Variants in TMEM132C observed in about 807,000 individuals in gnomAD.
The protein encoded by TMEM132C is protein phosphatase 1, regulatory subunit 152.
Under a neutral mutation model 61.4 loss-of-function variants are expected in TMEM132C, and 29 were observed. The ratio of observed to expected loss-of-function variants is 0.47; its 90% CI spans 0.35 to 0.64. The LOEUF is 0.64. TMEM132C is among the 30% of genes least tolerant of loss of function. The probability of loss-of-function intolerance (pLI) is 0.00; values close to 1 mark genes in which losing one functional copy is unlikely to be tolerated. For synonymous variants in TMEM132C, 656 were observed against 633.1 expected (o/e 1.04, Z -0.54); for missense variants, 1,408 against 1,476.9 (o/e 0.95, Z 0.76).
chr12:128,650,203 A>G (rs1954254210), intron 4 of TMEM132C, among the ~76,000 whole-genome samples: 2 of 152,174 alleles, frequency 1.3e-5, no homozygotes, highest in Non-Finnish European at 2.9e-5. Flanking sequence ...TTTTAATGCC[A>G]TGTGACTAAT....
At chr12:128,319,593 C>T (rs985679043) in intron 1 of TMEM132C, among the ~76,000 whole-genome samples, 6 of 151,902 alleles carry the variant, frequency 3.9e-5, no homozygotes, top group East Asian at 1.9e-4. Context: ...TTTGGGAGGC[C>T]GAGATGGGCG....
At chr12:128,535,239 G>A (rs1249130712) in intron 2 of TMEM132C, among the ~76,000 whole-genome samples, 1 of 152,138 alleles carries the variant, frequency 6.6e-6, no homozygotes, top group Non-Finnish European at 1.5e-5. Context: ...TAGACAAATG[G>A]GATCTAATTA....
intron 1 of TMEM132C, among the ~76,000 whole-genome samples, chr12:128,300,035 C>A (rs529513368): frequency 1.3e-5 from 2 of 152,176 alleles, no homozygotes; most frequent in African/African-American, 4.8e-5. Context: ...ATAAGAAATA[C>A]AAAACTCAAG....
In TMEM132C at chr12:128,326,391, A is replaced by G. The variant is rs964497184; in HGVS notation, c.85+58904A>G. Among the ~76,000 whole-genome samples, 3 of 152,164 alleles carry G rather than the reference A, an allele frequency of 2.0e-5. No individual in the cohort carries two copies. Among genetic ancestry groups the G allele is most frequent in the Non-Finnish European group, 4.4e-5 (3 of 68,044 alleles). Reference sequence around the variant, plus strand: ...GCTGCCAGATCTGCTGGAGAAAATTATAAAGATGAATACTTCTGAGCCTTT... The same window carrying G: ...GCTGCCAGATCTGCTGGAGAAAATTGTAAAGATGAATACTTCTGAGCCTTT... On this transcript the variant is annotated intron_variant, in intron 1 of 8. Coordinates refer to ENST00000435159, the MANE Select transcript of TMEM132C (RefSeq NM_001136103.3). This position sits in a 1 kb window ranked among gnomAD's most constrained non-coding sequence, Gnocchi z 5.6.
At position 128,420,457 on chromosome 12, in the gene TMEM132C, T is replaced by G. The variant is rs1713641; in HGVS notation, c.974+4837T>G. 3.3e-5 allele frequency among the ~76,000 whole-genome samples: 5 copies of G among 151,820 alleles called. 1 individual carries two copies. The highest frequency in any genetic ancestry group is 7.4e-5 in the Non-Finnish European group (5 of 67,958). Reference sequence around the variant, plus strand: ...ATGTGGCTGAAACAGAATGGAAGATTGGAGAGGTAGGGGGAGGCGAGCTCA... The same window carrying G: ...ATGTGGCTGAAACAGAATGGAAGATGGGAGAGGTAGGGGGAGGCGAGCTCA... On this transcript the variant is annotated intron_variant, in intron 2 of 8. Coordinates refer to ENST00000435159, the MANE Select transcript of TMEM132C (RefSeq NM_001136103.3).
At chr12:128,317,713 C>T (rs1872198257) in intron 1 of TMEM132C, among the ~76,000 whole-genome samples, 3 of 152,148 alleles carry the variant, frequency 2.0e-5, no homozygotes, top group Non-Finnish European at 4.4e-5. Flanking sequence ...GGCAAAACCT[C>T]GTCTCTACTA....
At chr12:128,548,835 T>C (rs570148059) in intron 3 of TMEM132C, among the ~76,000 whole-genome samples, 1 of 152,328 alleles carries the variant, frequency 6.6e-6, no homozygotes, top group South Asian at 2.1e-4. Flanking sequence ...GGTATCACAG[T>C]AACTATTTAC....
chr12:128,652,388 T>C (rs2135611742), intron 4 of TMEM132C, among the ~76,000 whole-genome samples: 1 of 152,204 alleles, frequency 6.6e-6, no homozygotes, highest in African/African-American at 2.4e-5. Flanking sequence ...GTTTACAAAA[T>C]TGGAAGAGAC....
intron 3 of TMEM132C, among the ~76,000 whole-genome samples, chr12:128,577,879 A>G (rs1353544757): frequency 1.3e-5 from 2 of 152,176 alleles, no homozygotes; most frequent in Non-Finnish European, 2.9e-5. Flanking sequence ...GCTCCCCTCA[A>G]ATGAGGACTC....
intron 2 of TMEM132C, among the ~76,000 whole-genome samples, chr12:128,524,392 A>G (rs1389295601): frequency 6.6e-6 from 1 of 152,200 alleles, no homozygotes; most frequent in Non-Finnish European, 1.5e-5. Context: ...GTCCCTTGCC[A>G]TCACATGGCT....
At chr12:128,602,092 G>A (rs1370913089) in intron 3 of TMEM132C, among the ~76,000 whole-genome samples, 5 of 152,142 alleles carry the variant, frequency 3.3e-5, no homozygotes, top group Admixed American at 2.0e-4. Context: ...GTCAGTACCT[G>A]TAGCCTAAGC....
chr12:128,345,374 C>T (rs1392407252), intron 1 of TMEM132C, among the ~76,000 whole-genome samples: 6 of 152,054 alleles, frequency 3.9e-5, no homozygotes, highest in Admixed American at 2.6e-4. Flanking sequence ...CGTATGTGTA[C>T]GTGTGTCTTT....
intron 5 of TMEM132C, among the ~76,000 whole-genome samples, chr12:128,684,007 T>TAAATAAATAAAG (rs1555243077): frequency 1.4e-5 from 2 of 139,008 alleles, no homozygotes; most frequent in Admixed American, 7.4e-5. Context: ...AATAAATAAA[T>TAAATAAATAAAG]AAATGTTGGT....
At chr12:128,540,155 C>G (rs1468915755) in intron 2 of TMEM132C, among the ~76,000 whole-genome samples, 2 of 152,110 alleles carry the variant, frequency 1.3e-5, no homozygotes, top group Non-Finnish European at 2.9e-5. Context: ...CTCATTTTGT[C>G]CCTGCTGCGT....
chr12:128,600,252 T>G (rs11059787), intron 3 of TMEM132C, among the ~76,000 whole-genome samples: 51,305 of 151,800 alleles, frequency 0.34, 9,303 homozygotes, highest in Middle Eastern at 0.45. Flanking sequence ...AAAGTGCTGG[T>G]ATTACAGGTG....
chr12:128,477,125 C>T (rs112327959), intron 2 of TMEM132C, among the ~76,000 whole-genome samples: 374 of 152,292 alleles, frequency 2.5e-3, no homozygotes, highest in African/African-American at 8.7e-3. Flanking sequence ...TATGATTTCT[C>T]TCTATTGTGA....
At chr12:128,552,783 C>T (rs957845761) in intron 3 of TMEM132C, among the ~76,000 whole-genome samples, 7 of 152,068 alleles carry the variant, frequency 4.6e-5, no homozygotes, top group African/African-American at 1.7e-4. Flanking sequence ...TGGTGCGTGC[C>T]TGTAATCCCA....
At chr12:128,527,507 C>A (rs1873127028) in intron 2 of TMEM132C, among the ~76,000 whole-genome samples, 1 of 152,288 alleles carries the variant, frequency 6.6e-6, no homozygotes, top group South Asian at 2.1e-4. Flanking sequence ...CTCAAGGAAG[C>A]CGCAGTTACC....
At chr12:128,480,955 C>G (rs7136634) in intron 2 of TMEM132C, among the ~76,000 whole-genome samples, 17 of 152,216 alleles carry the variant, frequency 1.1e-4, no homozygotes, top group African/African-American at 4.1e-4. Context: ...TATGTTGTCT[C>G]CCAGCTCCTC....
Sources: gnomAD v4.1 joint callset for allele counts (sites outside exome capture counted in the v4.1 genomes callset) on GRCh38, gnomAD v4.1.1 for gene constraint, Gnocchi (gnomAD v3.1) non-coding constraint, MANE v1.5 for transcripts, NCBI Gene and HGNC (gene_info 2026-07-23, HGNC 2026-07-21) for gene names.